ZNF230: variants seen among roughly 807,000 people sequenced by gnomAD.
ZNF230 encodes the protein zinc finger protein 230.
A neutral mutation model predicts 10.0 loss-of-function variants in ZNF230; 12 were observed. The ratio of observed to expected loss-of-function variants is 1.20; its 90% confidence interval spans 0.77 to 1.95. ZNF230 has a LOEUF of 1.95. Ranked by LOEUF, ZNF230 falls within the 30% of genes most tolerant of loss-of-function variation. ZNF230 has a pLI of 0.00. For synonymous variants in ZNF230, 174 were observed against 193.6 expected (o/e 0.90, Z 0.84); for missense variants, 532 against 565.8 (o/e 0.94, Z 0.61).
At chr19:44,010,143 A>G (rs1976160915) in intron 4 of ZNF230, 126 bp from the exon 5 acceptor site, 2 of 925,424 alleles carry the variant, frequency 2.2e-6, no homozygotes, top group East Asian at 5.3e-5. Flanking sequence ...CCAGAAAACA[A>G]GATTCATGGG....
chr19:44,007,061 CA>C lies in ZNF230; in HGVS notation c.-13del. 1 of 1,603,508 alleles carries C rather than the reference CA, an allele frequency of 6.2e-7. No individual in the cohort carries two copies. Among genetic ancestry groups the C allele is most frequent in the Non-Finnish European group, 8.5e-7 (1 of 1,171,130 alleles). On this transcript the variant is annotated 5_prime_UTR_variant, in exon 2 of 5. An upstream open reading frame in the 5' UTR loses its in-frame stop. Transcript: ENST00000429154. ...CCATTACTCAAGACACTGAAGACTC[CA>C]AAAAGTAGTAGGAAAAATGACCACA...
chr19:44,009,127 GT>G lies in ZNF230; in HGVS notation c.190del (p.Trp64GlyfsTer2), dbSNP rs767184884. 6.2e-7 allele frequency: 1 copy of G among 1,614,208 alleles called. No homozygotes were observed. Among genetic ancestry groups the G allele is most frequent in the South Asian group, 1.1e-5 (1 of 91,086 alleles). ...HPFHFLREEKFWMMETATQRE... is the reference protein window; with the variant it reads ...HPFHFLREEKXWMMETATQRE... ...CTTTCCACTTCCTAAGGGAAGAAAA[GT>G]TTTGGATGATGGAGACAGCAACCCA... On this transcript the variant is annotated frameshift_variant, in exon 4 of 5. Coordinates refer to ENST00000429154, the MANE Select transcript of ZNF230 (RefSeq NM_006300.4). LOFTEE classifies it low-confidence loss of function (END_TRUNC).
Position 44,010,268 on chromosome 19 carries a change from G to A in ZNF230, c.230-1G>A. 1 of 1,597,962 alleles carries A rather than the reference G, an allele frequency of 6.3e-7. No homozygotes were observed. The highest frequency in any genetic ancestry group is 1.1e-5 in the South Asian group (1 of 88,418). On this transcript the variant is annotated splice_acceptor_variant, in intron 4 of 4. Coordinates refer to ENST00000429154, the MANE Select transcript of ZNF230 (RefSeq NM_006300.4). LOFTEE classifies it high-confidence loss of function. ...CATCTCTTCATTCTGTGTCCTTATA[G>A]GCGGCAAGACTATTGCGGAAGCAGG...
At chr19:44,005,522 T>C (rs888185066) in intron 1 of ZNF230, among the ~76,000 whole-genome samples, 1 of 152,234 alleles carries the variant, frequency 6.6e-6, no homozygotes, top group Non-Finnish European at 1.5e-5. Context: ...CATTAGATAG[T>C]GTTGAATAGC....
Position 44,011,192 on chromosome 19 carries a change from G to A in ZNF230, c.1153G>A (p.Val385Ile). 1 of 1,613,994 alleles carries A rather than the reference G, an allele frequency of 6.2e-7. No homozygotes were observed. The highest frequency in any genetic ancestry group is 8.5e-7 in the Non-Finnish European group (1 of 1,179,942). ...SKSGLNLHQRVHTGERPYNCK... is the reference protein window; with the variant it reads ...SKSGLNLHQRIHTGERPYNCK... ...GTCAGGTCTTAACTTGCACCAGAGG[G>A]TCCATACTGGAGAGAGACCTTATAA... The change falls in exon 5 of 5, where the codon GTC (valine) becomes ATC (isoleucine). Residue 385 changes from valine (V) to isoleucine (I), a missense_variant. Val to Ile is a conservative substitution (Grantham distance 29). Coordinates refer to ENST00000429154, the MANE Select transcript of ZNF230 (RefSeq NM_006300.4).
In ZNF230 at chr19:44,012,113, C is replaced by T. The variant is rs1179482301; in HGVS notation, c.*649C>T. 1 of 277,824 alleles carries T rather than the reference C, an allele frequency of 3.6e-6. No individual in the cohort carries two copies. Among genetic ancestry groups the T allele is most frequent in the East Asian group, 1.1e-4 (1 of 8,868 alleles). The allele number at this position is 277,824 out of a possible 1,614,324, so 17.2% of individuals were successfully genotyped here. On this transcript the variant is annotated 3_prime_UTR_variant, in exon 5 of 5. Coordinates refer to ENST00000429154, the MANE Select transcript of ZNF230 (RefSeq NM_006300.4). ...ACTCAATAGTGGGATTGCTAGATCA[C>T]TCGAATCTTATGCCTCAGAGGCTTG...
At chr19:44,008,039 C>T (rs1976138693) in intron 2 of ZNF230, among the ~76,000 whole-genome samples, 1 of 152,160 alleles carries the variant, frequency 6.6e-6, no homozygotes, top group South Asian at 2.1e-4. Context: ...GTGAGCCAGT[C>T]CTCCAAGGCT....
chr19:44,012,053 C>CAT lies in ZNF230; in HGVS notation c.*589_*590insAT. 4.4e-6 allele frequency: 1 copy of CAT among 228,192 alleles called. No homozygotes were observed. The highest frequency in any genetic ancestry group is 5.7e-5 in the South Asian group (1 of 17,572). The allele number at this position is 228,192 out of a possible 1,614,324, so 14.1% of individuals were successfully genotyped here. On this transcript the variant is annotated 3_prime_UTR_variant, in exon 5 of 5. Transcript: ENST00000429154. ...CCAATGAACATGGTAGTGTAGATATCTGATCCACATACTGATTTCCTTTGC... is the reference window on the plus strand; with the variant it reads ...CCAATGAACATGGTAGTGTAGATATCATTGATCCACATACTGATTTCCTTTGC...
Position 44,008,882 on chromosome 19 carries a change from G to A in ZNF230, c.108G>A (p.Val36=). ...CCCAGAGGAAGCTGTACCAAGACGTGATGCTTGAGAACTTCACGAACCTGC... is the reference window on the plus strand; with the variant it reads ...CCCAGAGGAAGCTGTACCAAGACGTAATGCTTGAGAACTTCACGAACCTGC... ...DPAQRKLYQD[V]MLENFTNLLS... Residue 36 remains valine, a synonymous_variant, in exon 3 of 5, where the codon GTG becomes GTA. Transcript: ENST00000429154. The A allele has an allele frequency of 1.9e-6, 3 of 1,614,128 alleles. No individual in the cohort carries two copies. The highest frequency in any genetic ancestry group is 2.5e-6 in the Non-Finnish European group (3 of 1,180,006).
At chr19:44,004,163 G>C (rs1237621342) in intron 1 of ZNF230, 1 of 152,158 alleles carries the variant, frequency 6.6e-6, no homozygotes, top group Non-Finnish European at 1.5e-5. Flanking sequence ...CAACTATTTT[G>C]TTTCATGTTT....
chr19:44,011,336 T>A lies in ZNF230; in HGVS notation c.1297T>A (p.Ser433Thr). 1 of 1,613,996 alleles carries A rather than the reference T, an allele frequency of 6.2e-7. No homozygotes were observed. Among genetic ancestry groups the A allele is most frequent in the Non-Finnish European group, 8.5e-7 (1 of 1,179,932 alleles). ...TTGTGGAAAGAGGCTTGTACACCGGTCTTTCTGTAAAGACCAACAAGGAGA... is the reference window on the plus strand; with the variant it reads ...TTGTGGAAAGAGGCTTGTACACCGGACTTTCTGTAAAGACCAACAAGGAGA... ...EDCGKRLVHR[S>T]FCKDQQGDHN... The change falls in exon 5 of 5, where the codon TCT becomes ACT. Residue 433 changes from serine (S) to threonine (T), a missense_variant. Ser to Thr is a moderately conservative substitution (Grantham distance 58, BLOSUM62 1). Coordinates refer to ENST00000429154, the MANE Select transcript of ZNF230 (RefSeq NM_006300.4).
In ZNF230 at chr19:44,010,401, A is replaced by G; in HGVS notation, c.362A>G (p.Asp121Gly). ...AATTCTCACTTCTTTGAACAAGGTG[A>G]TGTCCCCTCCCAGGTTGAGGCAGGA... Reference protein sequence around the residue: ...INNSHFFEQGDVPSQVEAGLS... With the variant: ...INNSHFFEQGGVPSQVEAGLS... Residue 121 changes from aspartate to glycine, a missense_variant, in exon 5 of 5, where the codon GAT becomes GGT. By Grantham distance (94) the Asp-to-Gly change is moderately conservative. Transcript: ENST00000429154. 1 of 1,614,248 alleles carries G rather than the reference A, an allele frequency of 6.2e-7. No homozygotes were observed. The highest frequency in any genetic ancestry group is 1.6e-4 in the Middle Eastern group (1 of 6,062).
At position 44,012,770 on chromosome 19, in the gene ZNF230, A is replaced by G. The variant is rs1218208422; in HGVS notation, c.*1306A>G. The stretch of plus-strand genomic sequence containing the variant: ...AAATTGCATCTAGGAGAGAAAATCT[A>G]CAAAAAATAATTCAGGGACACGAGT... On this transcript the variant is annotated 3_prime_UTR_variant, in exon 5 of 5. Coordinates refer to ENST00000429154, the MANE Select transcript of ZNF230 (RefSeq NM_006300.4). The G allele has an allele frequency of 5.0e-6, 1 of 201,174 alleles. No homozygotes were observed. The highest frequency in any genetic ancestry group is 2.4e-5 in the African/African-American group (1 of 42,098). 12.5% of individuals were successfully genotyped at this position (201,174 alleles called of 1,614,324 possible). A position where few individuals can be genotyped will look rare whatever the true frequency, so the allele number is the denominator to read the frequency against.
At chr19:44,009,242 A>C (rs1976151531) in intron 4 of ZNF230, 72 bp downstream of exon 4, 1 of 1,497,018 alleles carries the variant, frequency 6.7e-7, no homozygotes, top group African/African-American at 1.4e-5. Flanking sequence ...GACCATGCCC[A>C]CTTATATCAC....
chr19:44,010,541 C>T lies in ZNF230; in HGVS notation c.502C>T (p.His168Tyr). The T allele has an allele frequency of 6.2e-7, 1 of 1,614,222 alleles. No homozygotes were observed. The highest frequency in any genetic ancestry group is 8.5e-7 in the Non-Finnish European group (1 of 1,180,032). ...PQQFHSGEKS[H>Y]TCNECGKSFC... ...GCAGTTCCACTCAGGAGAGAAGTCT[C>T]ATACATGCAATGAGTGTGGAAAAAG... The change falls in exon 5 of 5, where the codon CAT becomes TAT. Residue 168 changes from histidine (H) to tyrosine (Y), a missense_variant. His to Tyr is a moderately conservative substitution (Grantham distance 83). Coordinates refer to ENST00000429154, the MANE Select transcript of ZNF230 (RefSeq NM_006300.4).
At chr19:44,010,005 A>G (rs950504412) in intron 4 of ZNF230, among the ~76,000 whole-genome samples, 4 of 152,234 alleles carry the variant, frequency 2.6e-5, no homozygotes, top group African/African-American at 9.6e-5. Context: ...TTGACTGACC[A>G]GAAAATTCCT....
At chr19:44,009,403 T>G in intron 4 of ZNF230, 1 of 580,878 alleles carries the variant, frequency 1.7e-6, no homozygotes, top group Non-Finnish European at 3.1e-6. Context: ...CACTCCTTGG[T>G]CCAAAAGCCT....
chr19:44,007,455 A>G (rs1340799424), intron 2 of ZNF230, among the ~76,000 whole-genome samples: 1 of 152,154 alleles, frequency 6.6e-6, no homozygotes, highest in Non-Finnish European at 1.5e-5. Context: ...TCTATACACC[A>G]AGATAACATG....
chr19:44,007,162 C>G, intron 2 of ZNF230, 69 bp downstream of exon 2: 2 of 1,530,736 alleles, frequency 1.3e-6, no homozygotes, highest in South Asian at 2.4e-5. Context: ...ATATTTTTCT[C>G]TGTCTTGGGA....
Sources: gnomAD v4.1 joint callset for allele counts (sites outside exome capture counted in the v4.1 genomes callset) on GRCh38, gnomAD v4.1.1 for gene constraint, MANE v1.5 for transcripts, NCBI Gene and HGNC (gene_info 2026-07-23, HGNC 2026-07-21) for gene names.